Variants in KIAA0513 observed in about 807,000 individuals in gnomAD.
KIAA0513 encodes KIAA0513, also known as uncharacterized protein KIAA0513.
In KIAA0513, 39 loss-of-function variants were observed where a neutral mutation model predicts 56.5. The ratio of observed to expected loss-of-function variants is 0.69; its 90% confidence interval spans 0.53 to 0.90. The LOEUF is 0.90. KIAA0513 is among the 40% of genes least tolerant of loss of function. The pLI is 0.00. For synonymous variants in KIAA0513, 268 were observed against 215.6 expected (o/e 1.24, Z -2.13); for missense variants, 591 against 535.2 (o/e 1.10, Z -1.03).
At chr16:85,075,056 C>T (rs1340572713) in intron 4 of KIAA0513, among the ~76,000 whole-genome samples, 1 of 117,832 alleles carries the variant, frequency 8.5e-6, no homozygotes, top group East Asian at 2.1e-4. Flanking sequence ...CAAAGTGAAA[C>T]AAAAACCCTT....
At chr16:85,029,579 A>G (rs2072934838) in intron 1 of KIAA0513, among the ~76,000 whole-genome samples, 1 of 152,236 alleles carries the variant, frequency 6.6e-6, no homozygotes, top group African/African-American at 2.4e-5. Context: ...AGCATCTTTT[A>G]GGACAGTCCC....
chr16:85,064,004 A>AC (rs1189830974), intron 1 of KIAA0513, among the ~76,000 whole-genome samples: 1 of 108,088 alleles, frequency 9.3e-6, no homozygotes, highest in Admixed American at 1.0e-4. Context: ...TTATTTATTT[A>AC]CTTTTTTTTT....
rs937947845 is a variant in KIAA0513, at chr16:85,089,050, G to C, written c.*725G>C. On this transcript the variant is annotated 3_prime_UTR_variant, in exon 13 of 13. Coordinates refer to ENST00000683363, the MANE Select transcript of KIAA0513 (RefSeq NM_001388359.1). This position sits in a 1 kb window ranked among gnomAD's most constrained non-coding sequence, Gnocchi z 4.2. The stretch of plus-strand genomic sequence containing the variant: ...CCGCCAGAGTCACAGCAGTGCCGAG[G>C]TGTCCGCGGCAGACCACACAGACCG... 1 of 152,318 alleles carries C rather than the reference G, an allele frequency of 6.6e-6. No individual in the cohort carries two copies. The highest frequency in any genetic ancestry group is 1.5e-5 in the Non-Finnish European group (1 of 68,096). 9.4% of individuals were successfully genotyped at this position (152,318 alleles called of 1,614,324 possible).
chr16:85,034,206 C>A (rs892555645), intron 1 of KIAA0513, among the ~76,000 whole-genome samples: 2 of 152,100 alleles, frequency 1.3e-5, no homozygotes, highest in Admixed American at 1.3e-4. Flanking sequence ...TGGTGAAAAC[C>A]TCTCTCTTAC....
intron 1 of KIAA0513, among the ~76,000 whole-genome samples, chr16:85,060,689 A>G (rs2073391507): frequency 1.3e-5 from 2 of 152,002 alleles, no homozygotes; most frequent in South Asian, 4.1e-4. Context: ...TAATAATAAT[A>G]ATAAGTTAGC....
rs140823783 is a variant in KIAA0513 at position 85,030,047 on chromosome 16, T to C, written c.-173+2189T>C. Among the ~76,000 whole-genome samples, 371 of 152,278 alleles carry C rather than the reference T, an allele frequency of 2.4e-3. 4 individuals are homozygous for C. The highest frequency in any genetic ancestry group is 8.5e-3 in the African/African-American group (354 of 41,558). On this transcript the variant is annotated intron_variant, in intron 1 of 12. Transcript: ENST00000683363. Reference sequence around the variant, plus strand: ...GGGGCGGATCCGGGTGGTTTGTGCCTCACACGAGGGGTCCCCAGAGGCTTG... The same window carrying C: ...GGGGCGGATCCGGGTGGTTTGTGCCCCACACGAGGGGTCCCCAGAGGCTTG...
chr16:85,033,304 C>T (rs756296700), intron 1 of KIAA0513, among the ~76,000 whole-genome samples: 6 of 152,264 alleles, frequency 3.9e-5, no homozygotes, highest in East Asian at 1.9e-4. Context: ...CCAGCAGGGA[C>T]GCCACAGCAG....
At chr16:85,068,763 G>A (rs914889189) in intron 2 of KIAA0513, among the ~76,000 whole-genome samples, 5 of 152,172 alleles carry the variant, frequency 3.3e-5, no homozygotes, top group African/African-American at 7.2e-5. Flanking sequence ...CACCGTGCCC[G>A]GCCATCCATG....
chr16:85,078,584 C>G (rs887900631), intron 7 of KIAA0513, 129 bp downstream of exon 7: 1 of 826,310 alleles, frequency 1.2e-6, no homozygotes, highest in South Asian at 1.6e-5. Flanking sequence ...GGGTGATGCC[C>G]CAGTTGCTTC....
chr16:85,078,582 C>A, intron 7 of KIAA0513, 127 bp downstream of exon 7: 1 of 848,774 alleles, frequency 1.2e-6, no homozygotes. Flanking sequence ...CTGGGTGATG[C>A]CCCAGTTGCT....
chr16:85,039,270 G>C (rs960037637), intron 1 of KIAA0513, among the ~76,000 whole-genome samples: 10 of 152,220 alleles, frequency 6.6e-5, no homozygotes, highest in African/African-American at 2.4e-4. Context: ...GTTTTATGTA[G>C]GGACTTATGT....
intron 1 of KIAA0513, among the ~76,000 whole-genome samples, chr16:85,054,951 C>T (rs948128551): frequency 4.4e-4 from 67 of 152,224 alleles, no homozygotes; most frequent in African/African-American, 1.6e-3. Flanking sequence ...GAGGCAGGGT[C>T]TCTCTCTGTT....
At chr16:85,043,162 C>A (rs2073125881) in intron 1 of KIAA0513, among the ~76,000 whole-genome samples, 1 of 152,024 alleles carries the variant, frequency 6.6e-6, no homozygotes, top group South Asian at 2.1e-4. Context: ...GGTACAGTAG[C>A]ACTTGAAAAA....
intron 4 of KIAA0513, 45 bp downstream of exon 4, chr16:85,073,043 C>T (rs2073602100): frequency 6.7e-7 from 1 of 1,500,956 alleles, no homozygotes; most frequent in Admixed American, 1.7e-5. Flanking sequence ...GCAAGCTCCT[C>T]TTCCCTCCCT....
intron 1 of KIAA0513, among the ~76,000 whole-genome samples, chr16:85,064,389 C>G (rs981020804): frequency 6.6e-6 from 1 of 152,154 alleles, no homozygotes; most frequent in African/African-American, 2.4e-5. Flanking sequence ...GCATTTTTCT[C>G]TATGTAAGTT....
rs1366058882 is a variant in KIAA0513, at chr16:85,039,496, G to T, written c.-173+11638G>T. Among the ~76,000 whole-genome samples, 5 of 152,054 alleles carry T rather than the reference G, an allele frequency of 3.3e-5. No homozygotes were observed. The East Asian group carries it at 5.8e-4, about 18-fold the overall frequency. ...TTTATTTATTTTTTGTAGAGATGGG[G>T]TTTTGCTGTGTTGCCCATGCTGGTC... On this transcript the variant is annotated intron_variant, in intron 1 of 12. Transcript: ENST00000683363.
chr16:85,071,773 T>G lies in KIAA0513; in HGVS notation c.330-10T>G. On this transcript the variant is annotated splice_polypyrimidine_tract_variant and intron_variant, in intron 2 of 12. Transcript: ENST00000683363. ...TTTTTTTTTCCTCTGCTCTTTTTTT[T>G]TTTTTTTAGGGAGGACTTGGATCAG... 6.4e-7 allele frequency: 1 copy of G among 1,572,740 alleles called. No homozygotes were observed.
chr16:85,027,826 C>G lies in KIAA0513; in HGVS notation c.-205C>G, dbSNP rs970038611. On this transcript the variant is annotated 5_prime_UTR_variant, in exon 1 of 13. Coordinates refer to ENST00000683363, the MANE Select transcript of KIAA0513 (RefSeq NM_001388359.1). ...GCCGCAGCAGCCGAGTCTGACGGCG[C>G]CGGTTCGCTGCCCGGTCCGCCCGCG... 4.6e-5 allele frequency: 7 copies of G among 152,048 alleles called. No homozygotes were observed. Among genetic ancestry groups the G allele is most frequent in the African/African-American group, 1.7e-4 (7 of 41,364 alleles). 9.4% of individuals were successfully genotyped at this position (152,048 alleles called of 1,614,324 possible). A position where few individuals can be genotyped will look rare whatever the true frequency, so the allele number is the denominator to read the frequency against.
chr16:85,062,405 C>T lies in KIAA0513; in HGVS notation c.-172-4495C>T, dbSNP rs76068251. ...TTAGCCTAATTTGGTTGGTGGAAGC[C>T]TCCATCATGGGGCCTACGATGCGAA... is the stretch of plus-strand genomic sequence containing the variant. On this transcript the variant is annotated intron_variant, in intron 1 of 12. Coordinates refer to ENST00000683363, the MANE Select transcript of KIAA0513 (RefSeq NM_001388359.1). Among the ~76,000 whole-genome samples the T allele has an allele frequency of 6.7e-4, 102 of 152,266 alleles. 1 individual carries two copies. In the East Asian group the frequency reaches 0.018, roughly 27 times the overall value.
Sources: gnomAD v4.1 joint callset for allele counts (sites outside exome capture counted in the v4.1 genomes callset) on GRCh38, gnomAD v4.1.1 for gene constraint, Gnocchi (gnomAD v3.1) non-coding constraint, MANE v1.5 for transcripts, NCBI Gene and HGNC (gene_info 2026-07-23, HGNC 2026-07-21) for gene names.